The following GCH1 variants were observed in gnomAD, a reference collection of about 807,000 sequenced individuals.
GCH1 encodes the protein GTP cyclohydrolase I.
Under a neutral mutation model 25.9 loss-of-function variants are expected in GCH1, and 5 were observed. That is an observed-to-expected ratio of 0.19 (90% confidence interval 0.10 to 0.41). GCH1 has a LOEUF of 0.41. Among genes scored for constraint, GCH1 ranks in the 10% least tolerant of loss-of-function variants. The pLI is 1.00. For missense variants in GCH1, 261 were observed against 336.5 expected (o/e 0.78, Z 1.75); for synonymous variants, 159 against 129.6 (o/e 1.23, Z -1.54).
Position 54,843,074 on chromosome 14 carries a change from T to C in GCH1, c.*943A>G. 1 of 1,322,588 alleles carries C rather than the reference T, an allele frequency of 7.6e-7. No homozygotes were observed. Among genetic ancestry groups the C allele is most frequent in the East Asian group, 2.3e-5 (1 of 43,534 alleles). The allele number at this position is 1,322,588 out of a possible 1,614,324, so 81.9% of individuals were successfully genotyped here. A position where few individuals can be genotyped will look rare whatever the true frequency, so the allele number is the denominator to read the frequency against. On this transcript the variant is annotated 3_prime_UTR_variant, in exon 6 of 6. Coordinates refer to ENST00000491895, the MANE Select transcript of GCH1 (RefSeq NM_000161.3). Reference sequence around the variant, plus strand: ...GCAGACCTGAAAATGATGGGCACTCTCAAATGTTTCTGGAAATACTTAGAA... The same window carrying C: ...GCAGACCTGAAAATGATGGGCACTCCCAAATGTTTCTGGAAATACTTAGAA...
intron 1 of GCH1, among the ~76,000 whole-genome samples, chr14:54,870,925 C>T (rs796149244): frequency 5.3e-5 from 8 of 152,192 alleles, no homozygotes; most frequent in African/African-American, 1.9e-4. Context: ...TCTGGGGGCA[C>T]GGCATAGCCG....
chr14:54,879,875 C>T (rs1050895697), intron 1 of GCH1, among the ~76,000 whole-genome samples: 6 of 149,830 alleles, frequency 4.0e-5, no homozygotes, highest in African/African-American at 1.2e-4. Context: ...ATCCCAGGTA[C>T]TCAGGAGGCT....
At position 54,850,948 on chromosome 14, in the gene GCH1, T is replaced by C. The variant is rs576907418; in HGVS notation, c.510-3818A>G. 3.5e-4 allele frequency among the ~76,000 whole-genome samples: 53 copies of C among 152,306 alleles called. No homozygotes were observed. The South Asian group carries it at 0.01, about 30-fold the overall frequency. On this transcript the variant is annotated intron_variant, in intron 3 of 5. Coordinates refer to ENST00000491895, the MANE Select transcript of GCH1 (RefSeq NM_000161.3). ...GTGCCACAATAAACATACGTGTGCATGTGCTGGAGGCATCACGCTACCTGA... is the reference window on the plus strand; with the variant it reads ...GTGCCACAATAAACATACGTGTGCACGTGCTGGAGGCATCACGCTACCTGA...
chr14:54,898,649 TCA>T (rs2040520388), intron 1 of GCH1, among the ~76,000 whole-genome samples: 1 of 152,232 alleles, frequency 6.6e-6, no homozygotes, highest in African/African-American at 2.4e-5. Flanking sequence ...AGACGGAGTC[TCA>T]CTCTGTCAAC....
chr14:54,877,237 C>A (rs1340768522), intron 1 of GCH1, among the ~76,000 whole-genome samples: 1 of 152,106 alleles, frequency 6.6e-6, no homozygotes. Context: ...AGAAGGTAAC[C>A]CTGGAAACAG....
chr14:54,883,817 T>C (rs926876646), intron 1 of GCH1, among the ~76,000 whole-genome samples: 1 of 152,066 alleles, frequency 6.6e-6, no homozygotes, highest in Admixed American at 6.5e-5. Context: ...TGTGGAACAC[T>C]ATGAGGCCTG....
At chr14:54,890,324 C>T (rs1045120026) in intron 1 of GCH1, among the ~76,000 whole-genome samples, 10 of 152,144 alleles carry the variant, frequency 6.6e-5, no homozygotes, top group African/African-American at 2.4e-4. Context: ...ACGGAGAAAC[C>T]CCATCTCTAT....
At chr14:54,869,103 G>A (rs1023004702) in intron 1 of GCH1, among the ~76,000 whole-genome samples, 3 of 149,446 alleles carry the variant, frequency 2.0e-5, no homozygotes, top group African/African-American at 7.4e-5. Flanking sequence ...CAATGGCGTG[G>A]TCTCGGCTCA....
intron 1 of GCH1, chr14:54,885,174 A>G: frequency 4.3e-6 from 1 of 234,760 alleles, no homozygotes. Context: ...CCTGAATCTG[A>G]AAGAACTCCT....
At chr14:54,876,853 G>C (rs929164026) in intron 1 of GCH1, among the ~76,000 whole-genome samples, 6 of 152,150 alleles carry the variant, frequency 3.9e-5, no homozygotes, top group African/African-American at 1.4e-4. Context: ...AAAGCAGTAA[G>C]AGAAGAGACA....
At chr14:54,874,823 T>G (rs1025408519) in intron 1 of GCH1, among the ~76,000 whole-genome samples, 2 of 152,106 alleles carry the variant, frequency 1.3e-5, no homozygotes, top group African/African-American at 4.8e-5. Flanking sequence ...TACAAACCAC[T>G]GCTCCATAAA....
At chr14:54,848,220 T>C (rs2039673493) in intron 3 of GCH1, among the ~76,000 whole-genome samples, 2 of 150,320 alleles carry the variant, frequency 1.3e-5, no homozygotes, top group African/African-American at 4.9e-5. Context: ...CACTGCAACC[T>C]CTGCCTCCTG....
At chr14:54,865,259 A>T in intron 2 of GCH1, 68 bp downstream of exon 2, 2 of 749,602 alleles carry the variant, frequency 2.7e-6, no homozygotes, top group Non-Finnish European at 4.6e-6. Context: ...AATTTTAAAT[A>T]TAATTATTCT....
At position 54,842,335 on chromosome 14, in the gene GCH1, TA is replaced by T. The variant is rs1411986857; in HGVS notation, c.*1681del. On this transcript the variant is annotated 3_prime_UTR_variant, in exon 6 of 6. Coordinates refer to ENST00000491895, the MANE Select transcript of GCH1 (RefSeq NM_000161.3). ...AGGAATATAAATGAGTTCATAAAGA[TA>T]AATGTATAGCTGACAATTTCTTTGG... is the stretch of plus-strand genomic sequence containing the variant. 2 of 152,670 alleles carry T rather than the reference TA, an allele frequency of 1.3e-5. No homozygotes were observed. Among genetic ancestry groups the T allele is most frequent in the African/African-American group, 4.8e-5 (2 of 41,468 alleles). 9.5% of individuals were successfully genotyped at this position (152,670 alleles called of 1,614,324 possible).
rs1594967953 is a variant in GCH1, at chr14:54,843,742, C to T, written c.*275G>A. ...CACTAATTCTTCTCCCTTCCCAGGC[C>T]CCTCTGGTTATCTGGCAGTGGTTTT... On this transcript the variant is annotated 3_prime_UTR_variant, in exon 6 of 6. Coordinates refer to ENST00000491895, the MANE Select transcript of GCH1 (RefSeq NM_000161.3). 3 of 1,613,608 alleles carry T rather than the reference C, an allele frequency of 1.9e-6. No homozygotes were observed. The highest frequency in any genetic ancestry group is 2.5e-6 in the Non-Finnish European group (3 of 1,179,876).
intron 1 of GCH1, among the ~76,000 whole-genome samples, chr14:54,870,938 C>G (rs930326281): frequency 2.5e-4 from 38 of 152,330 alleles, no homozygotes; most frequent in African/African-American, 8.7e-4. Flanking sequence ...CATAGCCGAA[C>G]AAAAGGCAGC....
At chr14:54,854,486 A>C (rs1339306804) in intron 3 of GCH1, among the ~76,000 whole-genome samples, 1 of 152,210 alleles carries the variant, frequency 6.6e-6, no homozygotes, top group Non-Finnish European at 1.5e-5. Flanking sequence ...GATGGAGCAA[A>C]GATTTAAATA....
chr14:54,894,134 A>G (rs541440874), intron 1 of GCH1, among the ~76,000 whole-genome samples: 1 of 152,276 alleles, frequency 6.6e-6, no homozygotes. Context: ...CATTCGCCAA[A>G]AAAGATATGT....
intron 1 of GCH1, among the ~76,000 whole-genome samples, chr14:54,899,221 G>A (rs918221476): frequency 1.3e-5 from 2 of 152,144 alleles, no homozygotes; most frequent in Non-Finnish European, 2.9e-5. Context: ...AGCACTCTGG[G>A]AAGCCAAGGC....
Sources: allele counts gnomAD v4.1 joint callset (sites outside exome capture counted in the v4.1 genomes callset), GRCh38; gene constraint gnomAD v4.1.1; transcripts MANE v1.5; gene names NCBI Gene and HGNC (gene_info 2026-07-23, HGNC 2026-07-21).